Variants in TAB3 observed in about 807,000 individuals in gnomAD.
TAB3 encodes the protein TGF-beta activated kinase 1 (MAP3K7) binding protein 3.
Under a neutral mutation model 48.1 loss-of-function variants are expected in TAB3, and 18 were observed. The observed-to-expected ratio is 0.37, with a 90% CI of 0.26 to 0.55. The LOEUF is 0.55. TAB3 is among the 20% of genes least tolerant of loss of function. The pLI, the probability that TAB3 is intolerant of heterozygous loss-of-function variation, is 0.78. For synonymous variants in TAB3, 185 were observed against 190.2 expected, an observed-to-expected ratio of 0.97 and a Z score of 0.22; for missense variants, 414 against 549.8, an observed-to-expected ratio of 0.75 and a Z score of 2.47.
Position 30,830,076 on chromosome X carries a change from C to G in TAB3, c.*1351G>C, listed in dbSNP as rs1391946018. ...GCTATTAAGTTTCCAGCGATGCACC[C>G]TAGTGAGTCACATGACTTTATATCT... is the stretch of plus-strand genomic sequence containing the variant. On this transcript the variant is annotated 3_prime_UTR_variant, in exon 11 of 11. Coordinates refer to ENST00000288422, the MANE Select transcript of TAB3 (RefSeq NM_152787.5). 2.7e-5 allele frequency: 3 copies of G among 111,472 alleles called. No homozygotes were observed. Among genetic ancestry groups the G allele is most frequent in the Non-Finnish European group, 5.7e-5 (3 of 53,096 alleles). 9.2% of individuals were successfully genotyped at this position (111,472 alleles called of 1,213,427 possible). A position where few individuals can be genotyped will look rare whatever the true frequency, so the allele number is the denominator to read the frequency against.
intron 5 of TAB3, 82 bp downstream of exon 5, chrX:30,859,405 T>G (rs1242878817): frequency 2.5e-5 from 14 of 551,776 alleles, no homozygotes; most frequent in Middle Eastern, 4.3e-4. Context: ...AAAACATACC[T>G]GGGTTCTAAT....
Position 30,859,502 on chromosome X carries a change from A to G in TAB3, c.87T>C (p.Ser29=), listed in dbSNP as rs200406434. The G allele has an allele frequency of 1.0e-4, 126 of 1,205,990 alleles. No homozygotes were observed. Among genetic ancestry groups the G allele is most frequent in the Non-Finnish European group, 1.4e-4 (122 of 892,740 alleles). Residue 29 remains serine (S), a synonymous_variant, in exon 5 of 11, where the codon TCT becomes TCC. Coordinates refer to ENST00000288422, the MANE Select transcript of TAB3 (RefSeq NM_152787.5). The part of the protein sequence containing the change: ...RFPEIPEGVV[S]QCMLQNNNNL... ...GGTAACTTACCTGTAACATGCACTGAGACACCACGCCCTCTGGAATTTCAG... is the reference window on the plus strand; with the variant it reads ...GGTAACTTACCTGTAACATGCACTGGGACACCACGCCCTCTGGAATTTCAG...
chrX:30,877,328 G>A (rs1939871199), intron 1 of TAB3, among the ~76,000 whole-genome samples: 2 of 111,939 alleles, frequency 1.8e-5, no homozygotes, highest in South Asian at 7.4e-4. Flanking sequence ...TAAGAATGAA[G>A]CAAAAGAAAA....
At chrX:30,849,857 C>G (rs1390966455) in intron 7 of TAB3, among the ~76,000 whole-genome samples, 5 of 112,088 alleles carry the variant, frequency 4.5e-5, no homozygotes, top group Non-Finnish European at 3.8e-5. Context: ...CAAAGGAAGT[C>G]AAAGTATAAA....
At chrX:30,874,529 T>C (rs1008952465) in intron 1 of TAB3, among the ~76,000 whole-genome samples, 1 of 112,251 alleles carries the variant, frequency 8.9e-6, no homozygotes, top group African/African-American at 3.2e-5. Flanking sequence ...AACGTTCAAA[T>C]GTCAAGTACC....
chrX:30,852,617 C>A (rs183366190), intron 7 of TAB3, among the ~76,000 whole-genome samples, 161 bp downstream of exon 7: 1 of 111,242 alleles, frequency 9.0e-6, no homozygotes, highest in East Asian at 2.8e-4. Flanking sequence ...ATGAGAACTA[C>A]TAAAGGCAAA....
At position 30,829,538 on chromosome X, in the gene TAB3, CGTT is replaced by C. The variant is rs1937968083; in HGVS notation, c.*1886_*1888del. The C allele has an allele frequency of 9.0e-6, 1 of 111,689 alleles. No individual in the cohort carries two copies. The highest frequency in any genetic ancestry group is 3.8e-4 in the South Asian group (1 of 2,651). 9.2% of individuals were successfully genotyped at this position (111,689 alleles called of 1,213,427 possible). A position where few individuals can be genotyped will look rare whatever the true frequency, so the allele number is the denominator to read the frequency against. On this transcript the variant is annotated 3_prime_UTR_variant, in exon 11 of 11. Transcript: ENST00000288422. ...CAGTGTTACAAAAACCTTTGAAGAA[CGTT>C]GTTTTGGGGACCATGCTTTTAAGCC... is the stretch of plus-strand genomic sequence containing the variant.
At chrX:30,843,191 T>A in intron 8 of TAB3, 142 bp from the exon 9 acceptor site, 1 of 413,167 alleles carries the variant, frequency 2.4e-6, no homozygotes, top group Non-Finnish European at 4.1e-6. Flanking sequence ...CATAATTCTG[T>A]CCTCCCAATG....
intron 8 of TAB3, chrX:30,845,879 C>G (rs1938607868): frequency 4.2e-6 from 3 of 711,377 alleles, no homozygotes. Context: ...GGGACAGAAT[C>G]AACTCTTGGT....
intron 2 of TAB3, 110 bp downstream of exon 2, chrX:30,871,589 T>C (rs1414712493): frequency 8.9e-6 from 1 of 112,044 alleles, no homozygotes; most frequent in East Asian, 2.8e-4. Flanking sequence ...TTTTATTTTG[T>C]CATCCTTGCT....
At position 30,848,350 on chromosome X, in the gene TAB3, C is replaced by T. The variant is rs186914167; in HGVS notation, c.1711-1706G>A. Reference sequence around the variant, plus strand: ...ATCAGCCTGGCCAACATGGCAAAACCGTCTCTATTTAAAATACAAAAATTA... The same window carrying T: ...ATCAGCCTGGCCAACATGGCAAAACTGTCTCTATTTAAAATACAAAAATTA... On this transcript the variant is annotated intron_variant, in intron 7 of 10. Coordinates refer to ENST00000288422, the MANE Select transcript of TAB3 (RefSeq NM_152787.5). Among the ~76,000 whole-genome samples, 23 of 111,956 alleles carry T rather than the reference C, an allele frequency of 2.1e-4. No homozygotes were observed. In the East Asian group the frequency reaches 5.9e-3, roughly 29 times the overall value.
At chrX:30,833,095 T>C (rs992873145) in intron 10 of TAB3, among the ~76,000 whole-genome samples, 4 of 96,074 alleles carry the variant, frequency 4.2e-5, no homozygotes, top group East Asian at 2.9e-4. Context: ...CTCAGCCTCC[T>C]GTGTAGCTGG....
chrX:30,845,827 C>A, intron 8 of TAB3: 1 of 360,708 alleles, frequency 2.8e-6, no homozygotes, highest in Non-Finnish European at 3.8e-6. Context: ...GTTTATGAAA[C>A]ATTAAATTGC....
chrX:30,881,276 A>C (rs1415804749), intron 1 of TAB3, among the ~76,000 whole-genome samples: 5 of 110,778 alleles, frequency 4.5e-5, no homozygotes, highest in Admixed American at 3.8e-4. Flanking sequence ...AAGTGTGCTC[A>C]GTTGGTGAAA....
intron 1 of TAB3, among the ~76,000 whole-genome samples, chrX:30,876,818 A>G (rs1449570708): frequency 8.9e-6 from 1 of 111,954 alleles, no homozygotes; most frequent in Non-Finnish European, 1.9e-5. Flanking sequence ...CTAACAGCCA[A>G]TAGACACCGT....
chrX:30,863,165 T>C (rs1939300048), intron 4 of TAB3, among the ~76,000 whole-genome samples: 1 of 112,203 alleles, frequency 8.9e-6, no homozygotes, highest in Admixed American at 9.5e-5. Flanking sequence ...AGGGATTATG[T>C]ATGTAATCTT....
At chrX:30,869,124 G>A (rs1307620095) in intron 2 of TAB3, among the ~76,000 whole-genome samples, 8 of 108,175 alleles carry the variant, frequency 7.4e-5, no homozygotes, top group East Asian at 5.8e-4. Context: ...GCAATGGCAC[G>A]ATCTCAGCTT....
intron 5 of TAB3, among the ~76,000 whole-genome samples, chrX:30,856,386 G>GT (rs1299642821): frequency 6.2e-5 from 7 of 112,112 alleles, no homozygotes; most frequent in African/African-American, 2.3e-4. Flanking sequence ...CACAAAGGAG[G>GT]TAATAGCAAA....
chrX:30,842,838 A>C (rs1454552558), intron 9 of TAB3, 128 bp downstream of exon 9: 3 of 420,941 alleles, frequency 7.1e-6, no homozygotes, highest in Non-Finnish European at 1.2e-5. Context: ...AAAAATAAAA[A>C]TAATAAAAAT....
Sources: gnomAD v4.1 joint callset for allele counts (sites outside exome capture counted in the v4.1 genomes callset) on GRCh38, gnomAD v4.1.1 for gene constraint, MANE v1.5 for transcripts, NCBI Gene and HGNC (gene_info 2026-07-23, HGNC 2026-07-21) for gene names.